The following PKIB variants were observed in gnomAD, a reference collection of about 807,000 sequenced individuals.
PKIB encodes the protein PKI-beta.
A neutral mutation model predicts 4.5 loss-of-function variants in PKIB; 2 were observed. The observed-to-expected ratio is 0.44, with a 90% confidence interval of 0.18 to 1.39. The LOEUF (loss-of-function observed/expected upper bound fraction) is 1.39. PKIB is among the 40% of genes most tolerant of loss of function. The pLI is 0.27. For synonymous variants in PKIB, 38 were observed against 36.0 expected, an observed-to-expected ratio of 1.06 and a Z score of -0.20; for missense variants, 94 against 92.6, an observed-to-expected ratio of 1.02 and a Z score of -0.06.
chr6:122,487,236 T>C (rs140555323), intron 2 of PKIB, among the ~76,000 whole-genome samples: 35 of 152,350 alleles, frequency 2.3e-4, no homozygotes, highest in Admixed American at 5.9e-4. Context: ...TCATGTCTCT[T>C]GATTATCTGA....
chr6:122,581,623 C>T (rs937727462), intron 2 of PKIB: 2 of 152,080 alleles, frequency 1.3e-5, no homozygotes, highest in Admixed American at 6.6e-5. Context: ...AAAATTAATT[C>T]ATTTTCTCTT....
At chr6:122,579,373 C>T (rs982391542) in intron 2 of PKIB, among the ~76,000 whole-genome samples, 2 of 152,122 alleles carry the variant, frequency 1.3e-5, no homozygotes, top group Non-Finnish European at 2.9e-5. Context: ...ATCTTCATCC[C>T]TCTGTAAAGA....
At chr6:122,485,409 T>C (rs924345122) in intron 2 of PKIB, among the ~76,000 whole-genome samples, 2 of 152,176 alleles carry the variant, frequency 1.3e-5, no homozygotes, top group African/African-American at 4.8e-5. Flanking sequence ...CTATAAAGTA[T>C]TAATTTTGAA....
In PKIB at chr6:122,561,988, G is replaced by GTTTGTGTTTTTTTTTTTTTTTTTTT. The variant is rs1554220234; in HGVS notation, c.-247-23930_-247-23929insGTGTTTTTTTTTTTTTTTTTTTTTT. Among the ~76,000 whole-genome samples, 43 of 24,252 alleles carry GTTTGTGTTTTTTTTTTTTTTTTTTT rather than the reference G, an allele frequency of 1.8e-3. 4 individuals carry two copies. The highest frequency in any genetic ancestry group is 2.5e-3 in the Non-Finnish European group (30 of 12,024). 15.9% of individuals were successfully genotyped at this position (24,252 alleles called of 152,430 possible). Reference sequence around the variant, plus strand: ...TTGCCTGCATAGTTTTTTTTTGTTTGTTTTTGTTTTTTTTTGTTTTTTTTT... The same window carrying GTTTGTGTTTTTTTTTTTTTTTTTTT: ...TTGCCTGCATAGTTTTTTTTTGTTTGTTTGTGTTTTTTTTTTTTTTTTTTTTTTTTGTTTTTTTTTGTTTTTTTTT... On this transcript the variant is annotated intron_variant, in intron 2 of 6. Coordinates refer to the PKIB transcript ENST00000392491.
chr6:122,531,164 C>T (rs1356389402), intron 2 of PKIB: 1 of 152,118 alleles, frequency 6.6e-6, no homozygotes, highest in East Asian at 1.9e-4. Flanking sequence ...ATTATTGCCT[C>T]TTTAATATCA....
intron 4 of PKIB, among the ~76,000 whole-genome samples, chr6:122,718,352 G>C (rs941254980): frequency 3.7e-4 from 56 of 152,100 alleles, no homozygotes; most frequent in Non-Finnish European, 1.3e-4. Flanking sequence ...GGAAGCTTCT[G>C]CTTCACTGTA....
At chr6:122,558,449 A>G (rs1208820250) in intron 2 of PKIB, among the ~76,000 whole-genome samples, 1 of 152,210 alleles carries the variant, frequency 6.6e-6, no homozygotes, top group Non-Finnish European at 1.5e-5. Context: ...AGGTACAGTC[A>G]GACTAGTCCC....
At chr6:122,703,719 G>A (rs1048754575) in intron 3 of PKIB, among the ~76,000 whole-genome samples, 10 of 151,200 alleles carry the variant, frequency 6.6e-5, no homozygotes, top group South Asian at 2.1e-4. Context: ...TGCAGGTGCC[G>A]TTCTTATGTA....
At chr6:122,512,197 T>C (rs374203883) in intron 2 of PKIB, among the ~76,000 whole-genome samples, 5 of 152,216 alleles carry the variant, frequency 3.3e-5, no homozygotes, top group African/African-American at 9.7e-5. Flanking sequence ...ATTTTGCACA[T>C]GTTTAAAAAA....
At chr6:122,700,294 A>ATTG (rs76632712) in intron 3 of PKIB, among the ~76,000 whole-genome samples, 34,455 of 122,946 alleles carry the variant, frequency 0.28, 4,766 homozygotes, top group East Asian at 0.47. Flanking sequence ...CACTGGACAT[A>ATTG]TTTGGTGGTG....
At chr6:122,576,645 A>G (rs9482255) in intron 2 of PKIB, among the ~76,000 whole-genome samples, 44,275 of 126,576 alleles carry the variant, frequency 0.35, 8,051 homozygotes, top group East Asian at 0.44. Flanking sequence ...CTCCAGCCTG[A>G]GCGACAGAGC....
At chr6:122,621,698 A>G (rs1332374910) in intron 1 of PKIB, among the ~76,000 whole-genome samples, 1 of 152,228 alleles carries the variant, frequency 6.6e-6, no homozygotes, top group Non-Finnish European at 1.5e-5. Flanking sequence ...GTGACAGGAG[A>G]TGTAGCTGGA....
At chr6:122,595,225 T>G (rs919372414) in intron 3 of PKIB, among the ~76,000 whole-genome samples, 4 of 152,172 alleles carry the variant, frequency 2.6e-5, no homozygotes, top group African/African-American at 9.7e-5. Context: ...GGATGCTGAT[T>G]CAGAGCATAC....
intron 2 of PKIB, among the ~76,000 whole-genome samples, chr6:122,525,102 C>CT (rs1777061880): frequency 6.6e-6 from 1 of 151,442 alleles, no homozygotes; most frequent in Non-Finnish European, 1.5e-5. Context: ...AATCTTCTCT[C>CT]TTAGCACTGC....
chr6:122,641,536 T>C (rs183317426), intron 2 of PKIB, among the ~76,000 whole-genome samples: 39 of 152,280 alleles, frequency 2.6e-4, no homozygotes, highest in African/African-American at 8.9e-4. Flanking sequence ...AAGGATCAGA[T>C]TGCATATGAA....
intron 2 of PKIB, among the ~76,000 whole-genome samples, chr6:122,670,819 G>A (rs996449377): frequency 1.3e-5 from 2 of 152,060 alleles, no homozygotes; most frequent in African/African-American, 4.8e-5. Context: ...CCATTGTAGT[G>A]CTTGAGAGGT....
chr6:122,496,479 A>G (rs923666852), intron 2 of PKIB, among the ~76,000 whole-genome samples: 5 of 152,216 alleles, frequency 3.3e-5, no homozygotes, highest in African/African-American at 1.2e-4. Context: ...ATCAATACAA[A>G]TACACTTCTA....
chr6:122,574,222 G>A (rs1276201008), intron 2 of PKIB, among the ~76,000 whole-genome samples: 1 of 152,024 alleles, frequency 6.6e-6, no homozygotes, highest in Non-Finnish European at 1.5e-5. Flanking sequence ...CCTTAACCAA[G>A]TAGGTGAAAG....
chr6:122,711,026 A>T (rs1779253507), intron 3 of PKIB, among the ~76,000 whole-genome samples: 1 of 152,152 alleles, frequency 6.6e-6, no homozygotes, highest in Non-Finnish European at 1.5e-5. Context: ...GCTAAACTAT[A>T]TAAAATGTAG....
Sources: gnomAD v4.1 joint callset for allele counts (sites outside exome capture counted in the v4.1 genomes callset) on GRCh38, gnomAD v4.1.1 for gene constraint, MANE v1.5 for transcripts, NCBI Gene and HGNC (gene_info 2026-07-23, HGNC 2026-07-21) for gene names.